ASIC2: variants seen among roughly 807,000 people sequenced by gnomAD.
ASIC2 encodes acid sensing ion channel subunit 2, also known as acid-sensing ion channel 2.
ASIC2 carries 25 observed loss-of-function variants against 57.3 expected under a neutral mutation model. That is an observed-to-expected ratio of 0.44 (90% CI 0.32 to 0.61). The LOEUF (loss-of-function observed/expected upper bound fraction) is 0.61. Among genes scored for constraint, ASIC2 ranks in the 20% least tolerant of loss-of-function variants. ASIC2 has a pLI of 0.06. For synonymous variants in ASIC2, 319 were observed against 307.5 expected (o/e 1.04, Z -0.39); for missense variants, 641 against 738.1 (o/e 0.87, Z 1.52).
chr17:33,799,403 TTTTCTTTC>T (rs1555562483), intron 1 of ASIC2, among the ~76,000 whole-genome samples: 1 of 51,312 alleles, frequency 1.9e-5, no homozygotes, highest in Non-Finnish European at 4.7e-5. Context: ...TCTTTCTTTC[TTTTCTTTC>T]TTTCTTTCTT....
At chr17:33,815,755 G>C (rs1251768705) in intron 1 of ASIC2, among the ~76,000 whole-genome samples, 1 of 152,154 alleles carries the variant, frequency 6.6e-6, no homozygotes, top group East Asian at 1.9e-4. Context: ...TCCATAGAGA[G>C]AATATTAGAA....
chr17:33,067,283 G>A (rs1185661196), intron 3 of ASIC2, among the ~76,000 whole-genome samples: 2 of 152,210 alleles, frequency 1.3e-5, no homozygotes, highest in Non-Finnish European at 2.9e-5. Flanking sequence ...AAGGGCCACA[G>A]ACAAAGTTGA....
intron 1 of ASIC2, among the ~76,000 whole-genome samples, chr17:33,510,581 G>T (rs1054366612): frequency 6.6e-6 from 1 of 152,170 alleles, no homozygotes; most frequent in African/African-American, 2.4e-5. Flanking sequence ...GCAGTGAGTT[G>T]TGATGGTGCC....
At chr17:33,610,541 A>G (rs1905371344) in intron 1 of ASIC2, among the ~76,000 whole-genome samples, 1 of 151,928 alleles carries the variant, frequency 6.6e-6, no homozygotes, top group Admixed American at 6.6e-5. Flanking sequence ...TTTGGACATA[A>G]CAAAAGGCAT....
At chr17:33,120,377 A>G (rs779825867) in intron 1 of ASIC2, among the ~76,000 whole-genome samples, 30 of 152,252 alleles carry the variant, frequency 2.0e-4, no homozygotes, top group Non-Finnish European at 3.4e-4. Flanking sequence ...AAGAGCATCA[A>G]GCGCCTGCAA....
chr17:33,483,978 A>T (rs1448379083), intron 1 of ASIC2, among the ~76,000 whole-genome samples: 1 of 152,174 alleles, frequency 6.6e-6, no homozygotes, highest in African/African-American at 2.4e-5. Flanking sequence ...CAAAGTGATG[A>T]TGTGAGCAGA....
At chr17:33,594,778 A>G (rs1904931728) in intron 1 of ASIC2, among the ~76,000 whole-genome samples, 1 of 151,410 alleles carries the variant, frequency 6.6e-6, no homozygotes, top group Admixed American at 6.6e-5. Context: ...CAGTGAGCCT[A>G]GATCGCACCA....
intron 1 of ASIC2, among the ~76,000 whole-genome samples, chr17:34,029,638 T>A (rs376556943): frequency 6.6e-6 from 1 of 152,196 alleles, no homozygotes. Flanking sequence ...CTGATAAGAC[T>A]GTAGCCTTTT....
intron 1 of ASIC2, among the ~76,000 whole-genome samples, chr17:33,589,593 A>G (rs1383897110): frequency 6.6e-6 from 1 of 152,116 alleles, no homozygotes; most frequent in Non-Finnish European, 1.5e-5. Context: ...TACTCTAGAC[A>G]CTTCACATAA....
chr17:33,608,396 G>T (rs1411494440), intron 1 of ASIC2, among the ~76,000 whole-genome samples: 1 of 152,150 alleles, frequency 6.6e-6, no homozygotes, highest in Non-Finnish European at 1.5e-5. Context: ...TCTCAGGAAT[G>T]TTGGAAGAGA....
intron 3 of ASIC2, among the ~76,000 whole-genome samples, chr17:33,082,122 T>C (rs561862797): frequency 3.9e-5 from 6 of 152,020 alleles, no homozygotes; most frequent in African/African-American, 1.4e-4. Context: ...CAGTGGGAAG[T>C]CTCTGGGAAG....
chr17:34,040,759 A>G (rs996128039), intron 1 of ASIC2, among the ~76,000 whole-genome samples: 2 of 152,180 alleles, frequency 1.3e-5, no homozygotes, highest in Non-Finnish European at 2.9e-5. Flanking sequence ...TCACATTTCC[A>G]GAATTAGCCA....
At chr17:33,815,447 C>T (rs1320085023) in intron 1 of ASIC2, among the ~76,000 whole-genome samples, 3 of 152,188 alleles carry the variant, frequency 2.0e-5, no homozygotes, top group Non-Finnish European at 2.9e-5. Context: ...CCCATTGTGT[C>T]CACACTCACC....
chr17:33,624,816 C>T (rs1389289141), intron 1 of ASIC2, among the ~76,000 whole-genome samples: 2 of 152,206 alleles, frequency 1.3e-5, no homozygotes, highest in South Asian at 2.1e-4. Context: ...TCTAACAAGT[C>T]AAAGGGAGGT....
chr17:33,178,123 T>C (rs910534000), intron 1 of ASIC2, among the ~76,000 whole-genome samples: 1 of 152,210 alleles, frequency 6.6e-6, no homozygotes, highest in Non-Finnish European at 1.5e-5. Flanking sequence ...ATTATATTCC[T>C]GATAATTGCT....
chr17:33,924,856 G>A (rs1440084702), intron 1 of ASIC2, among the ~76,000 whole-genome samples: 5 of 152,196 alleles, frequency 3.3e-5, no homozygotes, highest in Non-Finnish European at 7.3e-5. Context: ...CAGAGGTGTG[G>A]TGGGCAGTGA....
chr17:33,188,831 T>A (rs1202868342), intron 1 of ASIC2, among the ~76,000 whole-genome samples: 1 of 152,040 alleles, frequency 6.6e-6, no homozygotes, highest in African/African-American at 2.4e-5. Context: ...TAAAATAAAA[T>A]GATACCAGAT....
intron 3 of ASIC2, among the ~76,000 whole-genome samples, chr17:33,076,333 C>T (rs1265771721): frequency 6.6e-6 from 1 of 152,210 alleles, no homozygotes; most frequent in Non-Finnish European, 1.5e-5. Context: ...CTGTGCCTGG[C>T]TACACGGAGC....
At chr17:33,831,697 A>G (rs1038974725) in intron 1 of ASIC2, among the ~76,000 whole-genome samples, 1 of 152,096 alleles carries the variant, frequency 6.6e-6, no homozygotes, top group African/African-American at 2.4e-5. Context: ...CTCTGCACGC[A>G]TCCACATCAG....
Sources: allele counts gnomAD v4.1 joint callset (sites outside exome capture counted in the v4.1 genomes callset), GRCh38; gene constraint gnomAD v4.1.1; transcripts MANE v1.5; gene names NCBI Gene and HGNC (gene_info 2026-07-23, HGNC 2026-07-21).